Variants in PCID2 observed in about 807,000 individuals in gnomAD.
The protein encoded by PCID2 is PCI domain containing 2.
Under a neutral mutation model 61.3 loss-of-function variants are expected in PCID2, and 41 were observed. That is an observed-to-expected ratio of 0.67 (90% CI 0.52 to 0.87). The LOEUF is 0.87. Among genes scored for constraint, PCID2 ranks in the 40% least tolerant of loss-of-function variants. The pLI is 0.00. For synonymous variants in PCID2, 187 were observed against 177.8 expected, an observed-to-expected ratio of 1.05 and a Z score of -0.41; for missense variants, 392 against 493.4, an observed-to-expected ratio of 0.79 and a Z score of 1.95.
At chr13:113,171,956 A>AT in the PCID2 span, 1 of 1,613,510 alleles carries the variant, frequency 6.2e-7, no homozygotes, top group Non-Finnish European at 8.5e-7. The surrounding 1 kb of genome is among the most constrained non-coding windows in gnomAD (Gnocchi z 5.1). Flanking sequence ...CATGCACTGG[A>AT]TGGATGGAAG....
intron 7 of PCID2, chr13:113,188,284 C>A (rs980835546): frequency 6.6e-6 from 1 of 152,208 alleles, no homozygotes; most frequent in African/African-American, 2.4e-5. Flanking sequence ...TTTCTACAGT[C>A]CAGCCTTGGT....
Position 113,200,478 on chromosome 13 carries a change from A to C in PCID2, c.75T>G (p.Cys25Trp). The C allele has an allele frequency of 1.9e-6, 3 of 1,613,744 alleles. No homozygotes were observed. The highest frequency in any genetic ancestry group is 2.5e-6 in the Non-Finnish European group (3 of 1,179,612). Residue 25 changes from cysteine to tryptophan, a missense_variant, in exon 2 of 14, where the codon TGT becomes TGG. This residue lies in a region of PCID2 where 155 missense variants were observed against 164.9 expected (regional missense o/e 0.94). Coordinates refer to ENST00000337344, the MANE Select transcript of PCID2 (RefSeq NM_001127202.4). Reference protein sequence around the residue: ...EAIDSRDGASCAELVSFKHPH... With the variant: ...EAIDSRDGASWAELVSFKHPH... ...GATGTTTAAAAGACACCAACTCTGC[A>C]CAAGATGCTCCATCTCTGCTGTCGA...
At chr13:113,167,625 C>G in the PCID2 span, among the ~76,000 whole-genome samples, 1 of 152,096 alleles carries the variant, frequency 6.6e-6, no homozygotes. Flanking sequence ...TTATCTTTTT[C>G]CAATCTTCTA....
downstream of PCID2, among the ~76,000 whole-genome samples, chr13:113,174,665 T>G (rs2037162157): frequency 2.0e-5 from 3 of 152,196 alleles, no homozygotes; most frequent in South Asian, 6.2e-4. Flanking sequence ...TTGTATTTTC[T>G]GCAGAGATGG....
chr13:113,196,289 TA>T, intron 4 of PCID2, 67 bp from the exon 5 acceptor site: 1 of 1,240,658 alleles, frequency 8.1e-7, no homozygotes. Context: ...AAGTAAAGAA[TA>T]AGAATCTAAA....
At chr13:113,197,310 G>C in intron 3 of PCID2, 67 bp from the exon 4 acceptor site, 1 of 1,123,190 alleles carries the variant, frequency 8.9e-7, no homozygotes, top group Non-Finnish European at 1.4e-6. Flanking sequence ...AGCCCACACA[G>C]CTCACTTCAT....
chr13:113,200,697 T>A (rs1243514990), intron 1 of PCID2, 181 bp from the exon 2 acceptor site: 3 of 135,796 alleles, frequency 2.2e-5, no homozygotes, highest in Admixed American at 7.3e-5. Context: ...CAATAATTTC[T>A]TTTTTTTTTT....
At chr13:113,205,252 G>A (rs1023362979) in intron 1 of PCID2, among the ~76,000 whole-genome samples, 2 of 152,140 alleles carry the variant, frequency 1.3e-5, no homozygotes, top group African/African-American at 4.8e-5. Context: ...AAAGAGAGGT[G>A]TTCTTGGCAA....
In PCID2 at chr13:113,179,629, A is replaced by T. The variant is rs1334654793; in HGVS notation, c.986+288T>A. ...TGAGTGGCGAGTCCTGTGTGCTCTGATGAAATGTGGTACCGCGGCTCTCAG... is the reference window on the plus strand; with the variant it reads ...TGAGTGGCGAGTCCTGTGTGCTCTGTTGAAATGTGGTACCGCGGCTCTCAG... On this transcript the variant is annotated intron_variant, in intron 12 of 13. Transcript: ENST00000337344. This position sits in a 1 kb window ranked among gnomAD's most constrained non-coding sequence, Gnocchi z 4.3. Among the ~76,000 whole-genome samples, 1 of 152,174 alleles carries T rather than the reference A, an allele frequency of 6.6e-6. No individual in the cohort carries two copies. The highest frequency in any genetic ancestry group is 1.5e-5 in the Non-Finnish European group (1 of 68,030).
chr13:113,208,111 G>C, intron 1 of PCID2: 1 of 1,611,198 alleles, frequency 6.2e-7, no homozygotes, highest in Non-Finnish European at 8.5e-7. Context: ...TTAAACGACA[G>C]CGAGGACGAG....
At chr13:113,207,274 T>G (rs920712540) in intron 1 of PCID2, among the ~76,000 whole-genome samples, 1 of 152,256 alleles carries the variant, frequency 6.6e-6, no homozygotes, top group Non-Finnish European at 1.5e-5. Flanking sequence ...GAAACAGTTG[T>G]TTCTCTATAA....
At position 113,179,743 on chromosome 13, in the gene PCID2, C is replaced by A. The variant is rs987315146; in HGVS notation, c.986+174G>T. ...CAGCTTGTGCTACTCACGTGTCTCG[C>A]GCAGGGTCCCCAGGAGGCAGTGGGC... On this transcript the variant is annotated intron_variant, in intron 12 of 13. Coordinates refer to ENST00000337344, the MANE Select transcript of PCID2 (RefSeq NM_001127202.4). This position sits in a 1 kb window ranked among gnomAD's most constrained non-coding sequence, Gnocchi z 4.3. Among the ~76,000 whole-genome samples the A allele has an allele frequency of 6.6e-6, 1 of 152,170 alleles. No homozygotes were observed. Among genetic ancestry groups the A allele is most frequent in the African/African-American group, 2.4e-5 (1 of 41,438 alleles).
chr13:113,169,213 T>C, the PCID2 span, among the ~76,000 whole-genome samples: 42 of 152,368 alleles, frequency 2.8e-4, no homozygotes, highest in African/African-American at 9.1e-4. Context: ...AGGTCATCAA[T>C]CTGTTCTTCT....
intron 1 of PCID2, chr13:113,200,768 G>A (rs1490361331): frequency 1.9e-5 from 6 of 311,066 alleles, no homozygotes; most frequent in Middle Eastern, 1.0e-3. Context: ...CTGCAGTGGC[G>A]CAATCGTAAA....
chr13:113,197,578 G>A (rs890548023), intron 3 of PCID2, among the ~76,000 whole-genome samples: 1 of 152,174 alleles, frequency 6.6e-6, no homozygotes, highest in African/African-American at 2.4e-5. Context: ...TTAGTTCATC[G>A]CCAAATCTGG....
At position 113,206,329 on chromosome 13, in the gene PCID2, G is replaced by T. The variant is rs574897110; in HGVS notation, c.36+2270C>A. ...AGTCTTATTGTCTTTAAAGTCTATG[G>T]TCTCTTTGCTGTGTCTCACTTGGAA... On this transcript the variant is annotated intron_variant, in intron 1 of 13. Transcript: ENST00000337344. 2.1e-4 allele frequency among the ~76,000 whole-genome samples: 32 copies of T among 152,266 alleles called. No individual in the cohort carries two copies. The South Asian group carries it at 6.4e-3, about 31-fold the overall frequency.
chr13:113,178,559 G>A (rs147627686), intron 13 of PCID2: 175 of 409,486 alleles, frequency 4.3e-4, no homozygotes, highest in African/African-American at 3.0e-3. Flanking sequence ...TTCCCTTGCC[G>A]TGATTCCCTA....
At chr13:113,203,395 GA>G (rs2039575911) in intron 1 of PCID2, among the ~76,000 whole-genome samples, 1 of 152,176 alleles carries the variant, frequency 6.6e-6, no homozygotes, top group Admixed American at 6.5e-5. Flanking sequence ...AAGTATTATG[GA>G]AACTAAGTTT....
At chr13:113,178,641 C>T (rs2037329978) in intron 13 of PCID2, among the ~76,000 whole-genome samples, 1 of 152,170 alleles carries the variant, frequency 6.6e-6, no homozygotes, top group Non-Finnish European at 1.5e-5. Flanking sequence ...TTAAAGTATA[C>T]AGGAGGACGT....
Sources: gnomAD v4.1 joint callset for allele counts (sites outside exome capture counted in the v4.1 genomes callset) on GRCh38, gnomAD v4.1.1 for gene constraint, gnomAD v4.1.1 regional missense constraint, Gnocchi (gnomAD v3.1) non-coding constraint, MANE v1.5 for transcripts, NCBI Gene and HGNC (gene_info 2026-07-23, HGNC 2026-07-21) for gene names.